SULT4A1: variants seen among roughly 807,000 people sequenced by gnomAD.
SULT4A1 encodes sulfotransferase 4A1.
Under a neutral mutation model 35.2 loss-of-function variants are expected in SULT4A1, and 11 were observed. The ratio of observed to expected loss-of-function variants is 0.31; its 90% CI spans 0.20 to 0.52. SULT4A1 has a LOEUF of 0.52. SULT4A1 is among the 20% of genes least tolerant of loss of function. The pLI, the probability that SULT4A1 is intolerant of heterozygous loss-of-function variation, is 0.97. For missense variants in SULT4A1, 271 were observed against 383.7 expected (o/e 0.71, Z 2.45); for synonymous variants, 152 against 151.8 (o/e 1.00, Z -0.01).
At chr22:43,827,190 A>G (rs2063293006) in intron 6 of SULT4A1, 1 of 985,262 alleles carries the variant, frequency 1.0e-6, no homozygotes, top group Non-Finnish European at 1.2e-6. Flanking sequence ...TTCCATTGTC[A>G]GCTCTCTGAG....
At position 43,829,094 on chromosome 22, in the gene SULT4A1, C is replaced by T; in HGVS notation, c.708G>A (p.Gln236=). The change falls in exon 6 of 7, where the codon CAG becomes CAA. Residue 236 remains glutamine (Q), a synonymous_variant. Coordinates refer to ENST00000330884, the MANE Select transcript of SULT4A1 (RefSeq NM_014351.4). ...LTEHCHQLVD[Q]CCNAEALPVG... ...CGGGCAGGGCCTCAGCGTTGCAGCA[C>T]TGGTCCACCAGCTGGTGGCAGTGCT... The T allele has an allele frequency of 6.4e-7, 1 of 1,551,292 alleles. No homozygotes were observed. The highest frequency in any genetic ancestry group is 8.7e-7 in the Non-Finnish European group (1 of 1,147,042).
chr22:43,835,151 G>A (rs990556862), intron 4 of SULT4A1, among the ~76,000 whole-genome samples: 3 of 151,972 alleles, frequency 2.0e-5, no homozygotes, highest in Non-Finnish European at 1.5e-5. Flanking sequence ...CGCCCCCACC[G>A]CAGCCCTGAG....
chr22:43,825,888 G>A lies in SULT4A1; in HGVS notation c.*113C>T. 2 of 1,097,986 alleles carry A rather than the reference G, an allele frequency of 1.8e-6. No individual in the cohort carries two copies. The highest frequency in any genetic ancestry group is 2.7e-6 in the Non-Finnish European group (2 of 750,386). 68.0% of individuals were successfully genotyped at this position (1,097,986 alleles called of 1,614,324 possible). On this transcript the variant is annotated 3_prime_UTR_variant, in exon 7 of 7. Transcript: ENST00000330884. ...CACGCCGCTCTTCCCTTCCCCCGCT[G>A]TTTCACACGCTGCTTCCAGAGTTTG...
chr22:43,854,661 C>T (rs1015941520), intron 1 of SULT4A1, among the ~76,000 whole-genome samples: 6 of 152,142 alleles, frequency 3.9e-5, no homozygotes, highest in South Asian at 2.1e-4. Context: ...TGCAGGGAGC[C>T]GACGCCCTGA....
At chr22:43,841,727 A>G in intron 2 of SULT4A1, 75 bp downstream of exon 2, 1 of 1,556,312 alleles carries the variant, frequency 6.4e-7, no homozygotes, top group Non-Finnish European at 8.7e-7. Context: ...CCCAGGAGCA[A>G]CTGTCAATCA....
intron 6 of SULT4A1, chr22:43,826,388 C>T (rs566726655): frequency 3.0e-6 from 3 of 984,880 alleles, no homozygotes; most frequent in African/African-American, 3.5e-5. Flanking sequence ...CCATTCCACA[C>T]CCCCCGCTGG....
At position 43,845,759 on chromosome 22, in the gene SULT4A1, A is replaced by G. The variant is rs142797296; in HGVS notation, c.170-3827T>C. ...CCTGAGCTCTGCCTCCTGTCAGATC[A>G]GCGGGAACACGAGATTCTCATAGGA... On this transcript the variant is annotated intron_variant, in intron 1 of 6. Coordinates refer to ENST00000330884, the MANE Select transcript of SULT4A1 (RefSeq NM_014351.4). 2.5e-3 allele frequency among the ~76,000 whole-genome samples: 375 copies of G among 152,294 alleles called. 2 individuals are homozygous for G. Among genetic ancestry groups the G allele is most frequent in the Middle Eastern group, 0.01 (3 of 292 alleles).
At chr22:43,828,969 C>A (rs1603403803) in intron 6 of SULT4A1, 91 bp downstream of exon 6, 4 of 1,368,048 alleles carry the variant, frequency 2.9e-6, no homozygotes, top group East Asian at 5.3e-5. Context: ...GGGAGGGCAA[C>A]AGGGACCGGA....
intron 4 of SULT4A1, 94 bp downstream of exon 4, chr22:43,838,773 G>A (rs1424113173): frequency 1.3e-6 from 2 of 1,545,050 alleles, no homozygotes; most frequent in African/African-American, 1.4e-5. Flanking sequence ...TGTCAGAACT[G>A]GAGACCGTGT....
At chr22:43,839,018 G>T (rs773496435) in intron 3 of SULT4A1, 25 bp from the exon 4 acceptor site, 2 of 1,610,866 alleles carry the variant, frequency 1.2e-6, no homozygotes, top group South Asian at 1.1e-5. Context: ...AGCAGGATGA[G>T]TCCGTGTCTC....
chr22:43,838,779 C>G (rs968593475), intron 4 of SULT4A1, 88 bp downstream of exon 4: 42 of 1,559,912 alleles, frequency 2.7e-5, no homozygotes, highest in African/African-American at 2.3e-4. Flanking sequence ...AACTGGAGAC[C>G]GTGTCGGGGA....
rs1260013663 is a variant in SULT4A1, at chr22:43,860,916, C to G, written c.169+1298G>C. 1.1e-4 allele frequency among the ~76,000 whole-genome samples: 17 copies of G among 152,174 alleles called. 1 individual carries two copies. ...CTAGCTAGACCTGACCTCTGTCCCT[C>G]AGCAACTGTGTGACTCCGAACAATT... On this transcript the variant is annotated intron_variant, in intron 1 of 6. Transcript: ENST00000330884.
At chr22:43,830,382 G>A (rs963596550) in intron 5 of SULT4A1, among the ~76,000 whole-genome samples, 4 of 152,222 alleles carry the variant, frequency 2.6e-5, no homozygotes, top group East Asian at 1.9e-4. Flanking sequence ...TCACTGCGGC[G>A]TGACGTCCAT....
chr22:43,857,393 G>T (rs1208314710), intron 1 of SULT4A1, among the ~76,000 whole-genome samples: 1 of 133,576 alleles, frequency 7.5e-6, no homozygotes, highest in Non-Finnish European at 1.6e-5. Context: ...AAAAAAAAAG[G>T]AAAGAAAAAA....
At chr22:43,846,902 G>A (rs2063480311) in intron 1 of SULT4A1, among the ~76,000 whole-genome samples, 2 of 152,086 alleles carry the variant, frequency 1.3e-5, no homozygotes, top group South Asian at 2.1e-4. Flanking sequence ...TTCCCCACCC[G>A]TGCAGCCCCG....
At chr22:43,830,249 G>A (rs549833024) in intron 5 of SULT4A1, among the ~76,000 whole-genome samples, 1 of 152,204 alleles carries the variant, frequency 6.6e-6, no homozygotes. Flanking sequence ...CCATTTCAAA[G>A]AAAAAGGGTA....
intron 1 of SULT4A1, among the ~76,000 whole-genome samples, chr22:43,853,990 G>T (rs2049373589): frequency 6.6e-6 from 1 of 152,220 alleles, no homozygotes; most frequent in Non-Finnish European, 1.5e-5. Flanking sequence ...GAAACTAGTT[G>T]TAAGAAGCTT....
chr22:43,847,911 C>T (rs1197581808), intron 1 of SULT4A1, among the ~76,000 whole-genome samples: 3 of 152,234 alleles, frequency 2.0e-5, no homozygotes, highest in East Asian at 1.9e-4. Flanking sequence ...ACAAAAGAAA[C>T]GTATTCTCTC....
chr22:43,839,121 C>CCGTGCACA, intron 3 of SULT4A1, 128 bp from the exon 4 acceptor site: 1 of 1,311,030 alleles, frequency 7.6e-7, no homozygotes, highest in Non-Finnish European at 1.1e-6. Flanking sequence ...CAGCGTCCAG[C>CCGTGCACA]TGGGGCCCAT....
Sources: allele counts gnomAD v4.1 joint callset (sites outside exome capture counted in the v4.1 genomes callset), GRCh38; gene constraint gnomAD v4.1.1; transcripts MANE v1.5; gene names NCBI Gene and HGNC (gene_info 2026-07-23, HGNC 2026-07-21).